The following CLVS1 variants were observed in gnomAD, a reference collection of about 807,000 sequenced individuals.
CLVS1 encodes clavesin-1.
Under a neutral mutation model 33.1 loss-of-function variants are expected in CLVS1, and 10 were observed. That is an observed-to-expected ratio of 0.30 (90% CI 0.19 to 0.51). The LOEUF (loss-of-function observed/expected upper bound fraction) is 0.51. Among genes scored for constraint, CLVS1 ranks in the 20% least tolerant of loss-of-function variants. The pLI, the probability that CLVS1 is intolerant of heterozygous loss-of-function variation, is 0.97. For missense variants in CLVS1, 343 were observed against 433.4 expected, an observed-to-expected ratio of 0.79 and a Z score of 1.85; for synonymous variants, 163 against 166.1, an observed-to-expected ratio of 0.98 and a Z score of 0.14.
intron 2 of CLVS1, among the ~76,000 whole-genome samples, chr8:61,245,920 A>G (rs1389348834): frequency 6.6e-6 from 1 of 150,504 alleles, no homozygotes; most frequent in Non-Finnish European, 1.5e-5. Context: ...GATATGTACC[A>G]TTACACCCAG....
chr8:61,107,720 G>A (rs925285112), intron 1 of CLVS1, among the ~76,000 whole-genome samples: 7 of 152,326 alleles, frequency 4.6e-5, no homozygotes, highest in African/African-American at 7.2e-5. Flanking sequence ...TCCCCATTGC[G>A]TTACTAAGCA....
chr8:61,490,192 G>A (rs1204270128), intron 5 of CLVS1, among the ~76,000 whole-genome samples: 9 of 151,740 alleles, frequency 5.9e-5, no homozygotes, highest in Non-Finnish European at 8.8e-5. Context: ...GTGCACTCCT[G>A]TAGTCCCAGC....
intron 5 of CLVS1, among the ~76,000 whole-genome samples, chr8:61,498,618 A>G (rs1376188175): frequency 6.6e-6 from 1 of 152,220 alleles, no homozygotes; most frequent in Non-Finnish European, 1.5e-5. Context: ...ATAAAAGGAC[A>G]CATCAAAAAC....
chr8:61,450,765 A>G (rs1197071401), intron 3 of CLVS1, among the ~76,000 whole-genome samples: 1 of 152,198 alleles, frequency 6.6e-6, no homozygotes, highest in East Asian at 1.9e-4. Context: ...AAATGATCAC[A>G]TTTAAAAAGG....
intron 3 of CLVS1, among the ~76,000 whole-genome samples, chr8:61,386,408 C>G (rs1049499520): frequency 6.6e-6 from 1 of 152,132 alleles, no homozygotes; most frequent in African/African-American, 2.4e-5. Flanking sequence ...GAGCCTAGGT[C>G]AGGATGGGAA....
intron 3 of CLVS1, among the ~76,000 whole-genome samples, chr8:61,434,180 G>A (rs760311276): frequency 7.2e-5 from 11 of 152,278 alleles, no homozygotes; most frequent in Middle Eastern, 3.4e-3. Context: ...TTTCATCAAG[G>A]TCCCCAGACC....
the CLVS1 span, among the ~76,000 whole-genome samples, chr8:60,988,182 A>T: frequency 1.3e-5 from 2 of 151,986 alleles, no homozygotes; most frequent in African/African-American, 2.4e-5. Flanking sequence ...CCAAAACCCA[A>T]CTCCATTCTT....
intron 2 of CLVS1, among the ~76,000 whole-genome samples, chr8:61,315,759 T>C (rs777250475): frequency 2.0e-5 from 3 of 152,174 alleles, no homozygotes; most frequent in Non-Finnish European, 4.4e-5. Flanking sequence ...CTTTAAGTTC[T>C]GGGATACATG....
At chr8:61,261,702 A>G (rs1809206300) in intron 2 of CLVS1, among the ~76,000 whole-genome samples, 1 of 152,142 alleles carries the variant, frequency 6.6e-6, no homozygotes, top group African/African-American at 2.4e-5. Flanking sequence ...AACCAGTTAG[A>G]AGGAGCCATC....
In CLVS1 at chr8:61,231,891, G is replaced by C. The variant is rs76196374; in HGVS notation, c.-151-67786G>C. 3.7e-3 allele frequency among the ~76,000 whole-genome samples: 562 copies of C among 152,212 alleles called. 3 individuals are homozygous for C. Among genetic ancestry groups the C allele is most frequent in the African/African-American group, 0.013 (531 of 41,494 alleles). On this transcript the variant is annotated intron_variant, in intron 2 of 2. Transcript: ENST00000522621. ...TACCCATGCTACACAATGCAGGAGT[G>C]GGGGGCAAGGGTGGATGTTGGGGAG...
chr8:61,250,116 A>G (rs1808903226), intron 2 of CLVS1, among the ~76,000 whole-genome samples: 2 of 152,156 alleles, frequency 1.3e-5, no homozygotes, highest in Admixed American at 1.3e-4. Flanking sequence ...GAAAGGGTCC[A>G]GTTTCCGTTT....
At chr8:61,346,039 T>C (rs138695831) in intron 2 of CLVS1, among the ~76,000 whole-genome samples, 1 of 152,292 alleles carries the variant, frequency 6.6e-6, no homozygotes, top group East Asian at 1.9e-4. Flanking sequence ...CTTTAAGAAG[T>C]ATATTGGCCT....
intron 3 of CLVS1, among the ~76,000 whole-genome samples, chr8:61,413,447 A>C (rs1338517603): frequency 2.0e-5 from 3 of 152,134 alleles, no homozygotes; most frequent in African/African-American, 7.2e-5. Context: ...ATACAGGGGA[A>C]AGAGTCCAGA....
chr8:61,201,368 T>TG (rs1480215235), intron 2 of CLVS1, among the ~76,000 whole-genome samples: 1 of 152,108 alleles, frequency 6.6e-6, no homozygotes, highest in East Asian at 1.9e-4. Context: ...GGAAATGCAT[T>TG]TCCCGAAGCT....
intron 2 of CLVS1, among the ~76,000 whole-genome samples, chr8:61,316,483 GA>G (rs1283389055): frequency 6.6e-6 from 1 of 152,158 alleles, no homozygotes; most frequent in East Asian, 1.9e-4. Flanking sequence ...GCATACTGGG[GA>G]GGCAAATATC....
intron 5 of CLVS1, among the ~76,000 whole-genome samples, chr8:61,476,501 T>G (rs984146544): frequency 6.6e-6 from 1 of 152,114 alleles, no homozygotes; most frequent in Non-Finnish European, 1.5e-5. Context: ...TCTCCTTGAA[T>G]AAGTCCTTCA....
chr8:61,256,198 T>C (rs192312121), intron 2 of CLVS1, among the ~76,000 whole-genome samples: 1 of 152,266 alleles, frequency 6.6e-6, no homozygotes, highest in East Asian at 1.9e-4. Context: ...GTACCTCAGG[T>C]ATGTGGAACA....
intron 2 of CLVS1, among the ~76,000 whole-genome samples, chr8:61,164,218 G>A (rs7822608): frequency 1.5e-4 from 23 of 152,014 alleles, no homozygotes; most frequent in Admixed American, 1.3e-4. Context: ...CCAACTAGGC[G>A]TAGGAATTCT....
chr8:61,314,885 G>A (rs1053891115), intron 2 of CLVS1, among the ~76,000 whole-genome samples: 2 of 152,230 alleles, frequency 1.3e-5, no homozygotes, highest in African/African-American at 4.8e-5. Flanking sequence ...AACTGAGCTT[G>A]TTGAATTATG....
Sources: allele counts gnomAD v4.1 joint callset (sites outside exome capture counted in the v4.1 genomes callset), GRCh38; gene constraint gnomAD v4.1.1; transcripts MANE v1.5; gene names NCBI Gene and HGNC (gene_info 2026-07-23, HGNC 2026-07-21).